The following AKAP6 variants were observed in gnomAD, a reference collection of about 807,000 sequenced individuals.
AKAP6 encodes the protein A-kinase anchor protein 6.
Under a neutral mutation model 188.5 loss-of-function variants are expected in AKAP6, and 58 were observed. The ratio of observed to expected loss-of-function variants is 0.31; its 90% CI spans 0.25 to 0.38. The LOEUF (loss-of-function observed/expected upper bound fraction) is 0.38. Ranked by LOEUF, AKAP6 falls within the 10% of genes least tolerant of loss-of-function variation. AKAP6 has a pLI of 1.00. For synonymous variants in AKAP6, 989 were observed against 998.6 expected, an observed-to-expected ratio of 0.99 and a Z score of 0.18; for missense variants, 2,710 against 2,740.0, an observed-to-expected ratio of 0.99 and a Z score of 0.24.
chr14:32,654,333 T>A, intron 7 of AKAP6, among the ~76,000 whole-genome samples: 1 of 152,114 alleles, frequency 6.6e-6, no homozygotes, highest in East Asian at 1.9e-4. Flanking sequence ...ATATTTCTCA[T>A]ACCCTGAGGG....
At chr14:32,730,665 A>G (rs2031131990) in intron 9 of AKAP6, among the ~76,000 whole-genome samples, 1 of 152,166 alleles carries the variant, frequency 6.6e-6, no homozygotes, top group Non-Finnish European at 1.5e-5. Context: ...ACCATGTGGC[A>G]TAAGTAAAAT....
intron 7 of AKAP6, among the ~76,000 whole-genome samples, chr14:32,622,269 A>G (rs1267505225): frequency 6.6e-6 from 1 of 152,156 alleles, no homozygotes; most frequent in Admixed American, 6.6e-5. Flanking sequence ...TTTCAAATAA[A>G]CTATAATAAT....
chr14:32,595,784 C>A (rs1885672662), intron 5 of AKAP6, among the ~76,000 whole-genome samples: 1 of 152,114 alleles, frequency 6.6e-6, no homozygotes, highest in South Asian at 2.1e-4. Context: ...TAAGGCCCGA[C>A]CACTCTGTGT....
intron 11 of AKAP6, among the ~76,000 whole-genome samples, chr14:32,758,328 G>A (rs535808595): frequency 3.7e-4 from 56 of 152,310 alleles, no homozygotes; most frequent in Non-Finnish European, 7.9e-4. Flanking sequence ...GTCCAGTAAC[G>A]TTGAACCATT....
chr14:32,479,532 T>C (rs1439116254), intron 2 of AKAP6, among the ~76,000 whole-genome samples: 1 of 152,212 alleles, frequency 6.6e-6, no homozygotes, highest in Admixed American at 6.6e-5. Flanking sequence ...TTTTTGTGTG[T>C]CATATAGATG....
intron 9 of AKAP6, among the ~76,000 whole-genome samples, chr14:32,700,438 A>C (rs1412618861): frequency 6.6e-6 from 1 of 152,174 alleles, no homozygotes; most frequent in African/African-American, 2.4e-5. Context: ...CACCCCACTT[A>C]TATATTTGTT....
At chr14:32,408,401 G>A (rs1889367399) in intron 1 of AKAP6, among the ~76,000 whole-genome samples, 1 of 151,904 alleles carries the variant, frequency 6.6e-6, no homozygotes, top group South Asian at 2.1e-4. Context: ...GAAAGGAATA[G>A]GTCTCAGATT....
At position 32,834,491 on chromosome 14, in the gene AKAP6, A is replaced by C. The variant is rs1482989740; in HGVS notation, c.*4686A>C. The C allele has an allele frequency of 6.6e-6, 1 of 150,426 alleles. No individual in the cohort carries two copies. Among genetic ancestry groups the C allele is most frequent in the African/African-American group, 2.4e-5 (1 of 41,022 alleles). 9.3% of individuals were successfully genotyped at this position (150,426 alleles called of 1,614,324 possible). On this transcript the variant is annotated 3_prime_UTR_variant, in exon 14 of 14. Coordinates refer to ENST00000280979, the MANE Select transcript of AKAP6 (RefSeq NM_004274.5). ...CTTATAGTTGTTTTTGTTTTAATACAGTATTCAAACAAAGATCACACACTG... is the reference window on the plus strand; with the variant it reads ...CTTATAGTTGTTTTTGTTTTAATACCGTATTCAAACAAAGATCACACACTG...
intron 1 of AKAP6, among the ~76,000 whole-genome samples, chr14:32,389,686 A>G (rs1888645999): frequency 6.6e-6 from 1 of 152,132 alleles, no homozygotes; most frequent in Admixed American, 6.6e-5. Flanking sequence ...CATCCCTTCT[A>G]GCTTGTAGGG....
intron 7 of AKAP6, among the ~76,000 whole-genome samples, chr14:32,626,196 TCG>T: frequency 6.6e-6 from 1 of 152,206 alleles, no homozygotes; most frequent in Middle Eastern, 3.4e-3. Context: ...AATCATTGCA[TCG>T]CAAATAATTT....
intron 7 of AKAP6, among the ~76,000 whole-genome samples, chr14:32,624,999 TTAAAA>T (rs1427614411): frequency 6.6e-6 from 1 of 152,180 alleles, no homozygotes; most frequent in African/African-American, 2.4e-5. Flanking sequence ...CAGTGAATAA[TTAAAA>T]TAAATTTAAA....
At chr14:32,706,699 A>C (rs1890824774) in intron 9 of AKAP6, among the ~76,000 whole-genome samples, 1 of 152,148 alleles carries the variant, frequency 6.6e-6, no homozygotes, top group African/African-American at 2.4e-5. Context: ...TCTTAAACTA[A>C]GCACTTCTGT....
At position 32,411,730 on chromosome 14, in the gene AKAP6, A is replaced by G. The variant is rs146228315; in HGVS notation, c.-34-21730A>G. ...TAGCTTTCTTAGATCTGCTAAATCA[A>G]TTATTTCTTGCCCATTTATTTTCTG... is the stretch of plus-strand genomic sequence containing the variant. On this transcript the variant is annotated intron_variant, in intron 1 of 13. Transcript: ENST00000280979. 6.2e-4 allele frequency among the ~76,000 whole-genome samples: 94 copies of G among 151,084 alleles called. No homozygotes were observed. In the East Asian group the frequency reaches 0.012, roughly 19 times the overall value.
chr14:32,430,408 A>G (rs1387789285), intron 1 of AKAP6, among the ~76,000 whole-genome samples: 4 of 152,236 alleles, frequency 2.6e-5, no homozygotes, highest in African/African-American at 7.2e-5. Flanking sequence ...AGGTTGGGAC[A>G]TAAGCTAATT....
At chr14:32,804,246 A>G (rs1308045004) in intron 12 of AKAP6, among the ~76,000 whole-genome samples, 1 of 152,120 alleles carries the variant, frequency 6.6e-6, no homozygotes, top group East Asian at 1.9e-4. Flanking sequence ...GCTGTTCTCT[A>G]CACTGAAGCC....
At chr14:32,641,583 T>C (rs1448637252) in intron 7 of AKAP6, among the ~76,000 whole-genome samples, 1 of 152,112 alleles carries the variant, frequency 6.6e-6, no homozygotes. Context: ...TTGGGCTTGT[T>C]TCTAAGAGCA....
chr14:32,564,049 A>G (rs145582089), intron 4 of AKAP6, among the ~76,000 whole-genome samples: 2 of 152,310 alleles, frequency 1.3e-5, no homozygotes, highest in African/African-American at 4.8e-5. Flanking sequence ...TGTAAATTGT[A>G]TAGTATTTGC....
At chr14:32,422,054 G>A (rs1327067458) in intron 1 of AKAP6, among the ~76,000 whole-genome samples, 2 of 152,140 alleles carry the variant, frequency 1.3e-5, no homozygotes, top group African/African-American at 2.4e-5. Context: ...CTGAACTGGG[G>A]GTGGAAGCAA....
At position 32,588,278 on chromosome 14, in the gene AKAP6, A is replaced by T. The variant is rs542728704; in HGVS notation, c.2469+11036A>T. Among the ~76,000 whole-genome samples, 4 of 152,352 alleles carry T rather than the reference A, an allele frequency of 2.6e-5. No individual in the cohort carries two copies. In the South Asian group the frequency reaches 8.3e-4, roughly 32 times the overall value. ...TATATGAAGATCTATTGCACATTTT[A>T]GCAGCTCCTTAATATTTTATTGTGT... On this transcript the variant is annotated intron_variant, in intron 5 of 13. Coordinates refer to ENST00000280979, the MANE Select transcript of AKAP6 (RefSeq NM_004274.5).
Sources: allele counts gnomAD v4.1 joint callset (sites outside exome capture counted in the v4.1 genomes callset), GRCh38; gene constraint gnomAD v4.1.1; transcripts MANE v1.5; gene names NCBI Gene and HGNC (gene_info 2026-07-23, HGNC 2026-07-21).